The following GPR89B variants were observed in gnomAD, a reference collection of about 807,000 sequenced individuals.
The protein encoded by GPR89B is golgi pH regulator B.
In GPR89B, 25 loss-of-function variants were observed where a neutral mutation model predicts 52.4. That is an observed-to-expected ratio of 0.48 (90% CI 0.35 to 0.67). GPR89B has a LOEUF of 0.67. Among genes scored for constraint, GPR89B ranks in the 30% least tolerant of loss-of-function variants. The pLI is 0.01. For missense variants in GPR89B, 146 were observed against 450.2 expected (o/e 0.32, Z 6.11); for synonymous variants, 52 against 151.2 (o/e 0.34, Z 4.81).
At chr1:147,994,115 G>A (rs1374017397), downstream of GPR89B, 38 of 983,694 alleles carry the variant, frequency 3.9e-5, no homozygotes, top group East Asian at 7.0e-4. Flanking sequence ...TAAATTAGCC[G>A]TCTGCAATAG....
intron 10 of GPR89B, among the ~76,000 whole-genome samples, chr1:147,975,743 G>A (rs1657787643): frequency 6.6e-6 from 1 of 152,120 alleles, no homozygotes; most frequent in South Asian, 2.1e-4. Context: ...TTTTAGTTGT[G>A]ATGTTAGGGT....
chr1:147,937,567 A>G (rs1297413987), intron 2 of GPR89B, among the ~76,000 whole-genome samples: 3 of 152,138 alleles, frequency 2.0e-5, no homozygotes, highest in Non-Finnish European at 4.4e-5. Context: ...GGCCATTCAT[A>G]GACCTCCCTC....
chr1:147,977,734 A>G (rs1657946755), intron 10 of GPR89B, among the ~76,000 whole-genome samples: 1 of 148,746 alleles, frequency 6.7e-6, no homozygotes, highest in African/African-American at 2.5e-5. Context: ...TTTCAGCAAG[A>G]TAGTCTTCAA....
At chr1:147,977,619 C>T (rs1657938998) in intron 10 of GPR89B, among the ~76,000 whole-genome samples, 1 of 151,040 alleles carries the variant, frequency 6.6e-6, no homozygotes, top group Non-Finnish European at 1.5e-5. Flanking sequence ...CTTCCAGGTA[C>T]CTGAATCAGC....
chr1:148,025,562 C>T, the GPR89B span, among the ~76,000 whole-genome samples: 1 of 141,780 alleles, frequency 7.1e-6, no homozygotes, highest in Non-Finnish European at 1.5e-5. Flanking sequence ...GAATCTTAGG[C>T]TCGTCCCTAT....
intron 8 of GPR89B, chr1:147,968,391 T>G (rs1319579874): frequency 8.8e-6 from 4 of 453,852 alleles, no homozygotes; most frequent in African/African-American, 8.0e-5. Flanking sequence ...CCCATGAAGA[T>G]AAGATATAAA....
the GPR89B span, among the ~76,000 whole-genome samples, chr1:148,007,237 G>A: frequency 5.4e-5 from 8 of 147,792 alleles, no homozygotes; most frequent in East Asian, 6.1e-4. Flanking sequence ...CACCACACCC[G>A]GCTAATTTTT....
the GPR89B span, among the ~76,000 whole-genome samples, chr1:148,018,147 G>A: frequency 5.5e-5 from 8 of 145,488 alleles, no homozygotes; most frequent in Non-Finnish European, 1.2e-4. Context: ...GGCCGGGCGC[G>A]GTGGGTCATG....
chr1:148,001,297 T>TA, the GPR89B span: 1 of 481,976 alleles, frequency 2.1e-6, no homozygotes, highest in South Asian at 2.2e-5. Flanking sequence ...AATGCATGAA[T>TA]ATATGGCCTT....
At chr1:147,981,773 C>T (rs1363244944) in intron 10 of GPR89B, among the ~76,000 whole-genome samples, 5 of 150,982 alleles carry the variant, frequency 3.3e-5, no homozygotes, top group South Asian at 4.2e-4. Flanking sequence ...CTGCCTCAGC[C>T]GCCTGAGTAG....
At chr1:148,003,499 C>T in the GPR89B span, among the ~76,000 whole-genome samples, 1 of 152,126 alleles carries the variant, frequency 6.6e-6, no homozygotes, top group African/African-American at 2.4e-5. Context: ...CAATTTGGTA[C>T]CAAAAACAAA....
chr1:147,950,565 GGGA>G (rs1553250880), intron 5 of GPR89B, among the ~76,000 whole-genome samples: 1 of 152,190 alleles, frequency 6.6e-6, no homozygotes, highest in Non-Finnish European at 1.5e-5. Context: ...TTGGCACTTT[GGGA>G]GGCCAAGGCA....
At chr1:147,975,429 C>T (rs1657765704) in intron 10 of GPR89B, among the ~76,000 whole-genome samples, 1 of 148,288 alleles carries the variant, frequency 6.7e-6, no homozygotes, top group Non-Finnish European at 1.5e-5. Flanking sequence ...TCCATTTCTT[C>T]TAGATTTTCT....
At chr1:147,934,566 A>C (rs1359648149) in intron 1 of GPR89B, among the ~76,000 whole-genome samples, 1 of 152,108 alleles carries the variant, frequency 6.6e-6, no homozygotes, top group East Asian at 1.9e-4. Flanking sequence ...ACTCTAGAAA[A>C]ATGCACATAA....
At chr1:147,976,748 G>A (rs1222254853) in intron 10 of GPR89B, among the ~76,000 whole-genome samples, 1 of 151,896 alleles carries the variant, frequency 6.6e-6, no homozygotes, top group Non-Finnish European at 1.5e-5. Flanking sequence ...TCATTGCTTT[G>A]TGTACTTCAG....
the GPR89B span, chr1:148,005,485 T>C: frequency 1.9e-6 from 3 of 1,605,370 alleles, no homozygotes; most frequent in South Asian, 3.3e-5. Flanking sequence ...AGGTGTAATA[T>C]CAGTCATGTA....
the GPR89B span, among the ~76,000 whole-genome samples, chr1:148,019,207 C>T: frequency 7.3e-5 from 11 of 151,300 alleles, no homozygotes; most frequent in Non-Finnish European, 1.3e-4. Flanking sequence ...GAACTCCTGA[C>T]CTCGTGATCC....
chr1:148,019,010 C>T, the GPR89B span, among the ~76,000 whole-genome samples: 1 of 151,296 alleles, frequency 6.6e-6, no homozygotes, highest in African/African-American at 2.4e-5. Context: ...CAGAGTCTCG[C>T]TCTGTCACCA....
At chr1:147,984,331 A>G (rs1297227231) in intron 10 of GPR89B, among the ~76,000 whole-genome samples, 2 of 149,500 alleles carry the variant, frequency 1.3e-5, no homozygotes, top group East Asian at 2.0e-4. Flanking sequence ...GTATAATAAT[A>G]ATAAAATAAA....
Sources: allele counts gnomAD v4.1 joint callset (sites outside exome capture counted in the v4.1 genomes callset), GRCh38; gene constraint gnomAD v4.1.1; transcripts MANE v1.5; gene names NCBI Gene and HGNC (gene_info 2026-07-23, HGNC 2026-07-21).